PTTG1IP: variants seen among roughly 807,000 people sequenced by gnomAD.
PTTG1IP encodes the protein pituitary tumor-transforming gene 1 protein-interacting protein.
A neutral mutation model predicts 24.4 loss-of-function variants in PTTG1IP; 16 were observed. The observed-to-expected ratio is 0.66, with a 90% CI of 0.44 to 1.00. PTTG1IP has a LOEUF of 1.00. PTTG1IP is among the 50% of genes least tolerant of loss of function. PTTG1IP has a pLI of 0.00. For synonymous variants in PTTG1IP, 89 were observed against 96.8 expected (o/e 0.92, Z 0.47); for missense variants, 241 against 245.8 (o/e 0.98, Z 0.13).
chr21:44,852,599 A>G (rs1601241141), intron 5 of PTTG1IP, among the ~76,000 whole-genome samples: 1 of 152,132 alleles, frequency 6.6e-6, no homozygotes, highest in Admixed American at 6.5e-5. Context: ...AAGCAGAGGG[A>G]TGGTAAGGAA....
At chr21:44,856,072 T>C (rs1193887515) in intron 4 of PTTG1IP, 121 bp downstream of exon 4, 23 of 1,584,398 alleles carry the variant, frequency 1.5e-5, no homozygotes, top group Middle Eastern at 1.7e-4. Context: ...CTGGGCACTA[T>C]ACACATTCTT....
chr21:44,873,654 A>G lies in PTTG1IP; in HGVS notation c.-38T>C. The G allele has an allele frequency of 7.4e-7, 1 of 1,346,594 alleles. No individual in the cohort carries two copies. Among genetic ancestry groups the G allele is most frequent in the Non-Finnish European group, 9.6e-7 (1 of 1,046,282 alleles). 83.4% of individuals were successfully genotyped at this position (1,346,594 alleles called of 1,614,324 possible). On this transcript the variant is annotated 5_prime_UTR_variant, in exon 1 of 6. Transcript: ENST00000330938. Reference sequence around the variant, plus strand: ...GCTCTATCAGTCAGTGGAGCGTTACAACTCCGACTCCAGCACAAGCGGTCT... The same window carrying G: ...GCTCTATCAGTCAGTGGAGCGTTACGACTCCGACTCCAGCACAAGCGGTCT...
intron 5 of PTTG1IP, among the ~76,000 whole-genome samples, chr21:44,852,641 AGG>A (rs2146451143): frequency 6.6e-6 from 1 of 152,310 alleles, no homozygotes; most frequent in African/African-American, 2.4e-5. Context: ...TTGCCTGTCA[AGG>A]AGGGCCACAG....
chr21:44,855,083 G>A, intron 5 of PTTG1IP, 127 bp downstream of exon 5: 2 of 975,390 alleles, frequency 2.1e-6, no homozygotes, highest in Non-Finnish European at 3.1e-6. Flanking sequence ...CCTCTCTGGA[G>A]AGACGTCCTT....
intron 5 of PTTG1IP, among the ~76,000 whole-genome samples, chr21:44,852,190 A>T (rs235316): frequency 0.2 from 29,994 of 150,240 alleles, 3,105 homozygotes; most frequent in Middle Eastern, 0.31. Context: ...TTTATTTTTT[A>T]TTTTTTTTTG....
At chr21:44,854,392 G>C (rs1219850120) in intron 5 of PTTG1IP, among the ~76,000 whole-genome samples, 1 of 152,196 alleles carries the variant, frequency 6.6e-6, no homozygotes, top group Non-Finnish European at 1.5e-5. Context: ...CATGAACCCA[G>C]GACCACGCAC....
At chr21:44,859,094 A>G (rs2083470671) in intron 3 of PTTG1IP, among the ~76,000 whole-genome samples, 1 of 152,264 alleles carries the variant, frequency 6.6e-6, no homozygotes, top group Non-Finnish European at 1.5e-5. Context: ...GGCGTCCCTG[A>G]GTGGCAGCAT....
intron 5 of PTTG1IP, among the ~76,000 whole-genome samples, chr21:44,854,405 C>T (rs192106118): frequency 9.1e-4 from 138 of 152,344 alleles, no homozygotes; most frequent in Middle Eastern, 3.4e-3. Flanking sequence ...CCACGCACCT[C>T]GCACAGGCGA....
At chr21:44,865,354 G>A (rs2083527150) in intron 2 of PTTG1IP, 41 bp downstream of exon 2, 6 of 1,598,590 alleles carry the variant, frequency 3.8e-6, no homozygotes, top group Non-Finnish European at 5.1e-6. Context: ...CCTTTGGACG[G>A]TCTGGACGGC....
chr21:44,868,298 G>A (rs1237850345), intron 1 of PTTG1IP, among the ~76,000 whole-genome samples: 2 of 152,226 alleles, frequency 1.3e-5, no homozygotes, highest in African/African-American at 4.8e-5. Context: ...GTGCTGCAAT[G>A]TGACGGGCAC....
chr21:44,856,130 A>G, intron 4 of PTTG1IP, 63 bp downstream of exon 4: 2 of 1,613,080 alleles, frequency 1.2e-6, no homozygotes, highest in Non-Finnish European at 8.5e-7. Context: ...TGTGATTTCC[A>G]TGGCCTTGCA....
Position 44,851,551 on chromosome 21 carries a change from G to A in PTTG1IP, c.*30C>T. The stretch of plus-strand genomic sequence containing the variant: ...GGGCTGCGGAGCGTGCACCTCACAG[G>A]AAGCGTCGGGACTGATGTGCTGGAG... On this transcript the variant is annotated 3_prime_UTR_variant, in exon 6 of 6. Coordinates refer to ENST00000330938, the MANE Select transcript of PTTG1IP (RefSeq NM_004339.4). 1 of 1,613,332 alleles carries A rather than the reference G, an allele frequency of 6.2e-7. No homozygotes were observed. The highest frequency in any genetic ancestry group is 1.1e-5 in the South Asian group (1 of 91,084).
In PTTG1IP at chr21:44,851,453, G is replaced by C; in HGVS notation, c.*128C>G. 6.2e-7 allele frequency: 1 copy of C among 1,609,260 alleles called. No homozygotes were observed. Among genetic ancestry groups the C allele is most frequent in the Non-Finnish European group, 8.5e-7 (1 of 1,179,514 alleles). On this transcript the variant is annotated 3_prime_UTR_variant, in exon 6 of 6. Coordinates refer to ENST00000330938, the MANE Select transcript of PTTG1IP (RefSeq NM_004339.4). ...TTCAGGGGCAGCTCTCCGGCCGCCT[G>C]TCCTGGAAGGCTGGCAGGTTCACTG...
intron 5 of PTTG1IP, 26 bp from the exon 6 acceptor site, chr21:44,851,653 A>C: frequency 2.6e-6 from 4 of 1,550,170 alleles, no homozygotes; most frequent in Non-Finnish European, 3.5e-6. Flanking sequence ...CTTGAATCAT[A>C]ACTTCATTCA....
At position 44,861,256 on chromosome 21, in the gene PTTG1IP, T is replaced by C. The variant is rs2083489866; in HGVS notation, c.184A>G (p.Thr62Ala). The change falls in exon 3 of 6, where the codon ACT (threonine) becomes GCT (alanine). Residue 62 changes from threonine (T) to alanine (A), a missense_variant. Physicochemically the swap from Thr to Ala is moderately conservative, Grantham distance 58 (BLOSUM62 0). Coordinates refer to ENST00000330938, the MANE Select transcript of PTTG1IP (RefSeq NM_004339.4). ...GGGTAGTCCAGACAAGCCTTGTTAG[T>C]GTTGCACCAAAGACACTGAAAGAGA... ...LKNVSCLWCN[T>A]NKACLDYPVT... 3 of 1,613,578 alleles carry C rather than the reference T, an allele frequency of 1.9e-6. No homozygotes were observed. The highest frequency in any genetic ancestry group is 4.5e-5 in the East Asian group (2 of 44,868).
chr21:44,868,221 C>T (rs966478317), intron 1 of PTTG1IP, among the ~76,000 whole-genome samples: 14 of 152,176 alleles, frequency 9.2e-5, no homozygotes, highest in African/African-American at 3.1e-4. Context: ...GTTCCCAAGT[C>T]CCCAGCTACT....
chr21:44,856,443 G>A, intron 3 of PTTG1IP, 79 bp from the exon 4 acceptor site: 1 of 1,450,612 alleles, frequency 6.9e-7, no homozygotes. Context: ...CTCGCCCCTG[G>A]GGAACAACCT....
intron 1 of PTTG1IP, among the ~76,000 whole-genome samples, chr21:44,871,991 C>A (rs981386402): frequency 1.3e-5 from 2 of 152,230 alleles, no homozygotes; most frequent in Non-Finnish European, 2.9e-5. Flanking sequence ...CTCGTCCACA[C>A]CCATCTCTGC....
In PTTG1IP at chr21:44,858,568, A is replaced by G. The variant is rs75714445; in HGVS notation, c.278-2204T>C. Among the ~76,000 whole-genome samples the G allele has an allele frequency of 2.1e-4, 32 of 152,294 alleles. No individual in the cohort carries two copies. The East Asian group carries it at 4.1e-3, about 19-fold the overall frequency. ...CATCGCACCCCACCCTCCTGTCACG[A>G]AATGGCTGCCTCCCCGAGCCCTGTT... is the stretch of plus-strand genomic sequence containing the variant. On this transcript the variant is annotated intron_variant, in intron 3 of 5. Coordinates refer to ENST00000330938, the MANE Select transcript of PTTG1IP (RefSeq NM_004339.4).
Sources: gnomAD v4.1 joint callset for allele counts (sites outside exome capture counted in the v4.1 genomes callset) on GRCh38, gnomAD v4.1.1 for gene constraint, MANE v1.5 for transcripts, NCBI Gene and HGNC (gene_info 2026-07-23, HGNC 2026-07-21) for gene names.